POLE: variants seen among roughly 807,000 people sequenced by gnomAD.
POLE encodes DNA polymerase epsilon, catalytic subunit, also known as DNA polymerase epsilon catalytic subunit A.
Under a neutral mutation model 279.2 loss-of-function variants are expected in POLE, and 188 were observed. The observed-to-expected ratio is 0.67, with a 90% confidence interval of 0.60 to 0.76. The LOEUF is 0.76. Ranked by LOEUF, POLE falls within the 30% of genes least tolerant of loss-of-function variation. POLE has a pLI of 0.00. For synonymous variants in POLE, 1,214 were observed against 1,172.5 expected (o/e 1.04, Z -0.72); for missense variants, 2,703 against 3,016.7 (o/e 0.90, Z 2.44).
rs561194407 is a variant in POLE at position 132,639,717 on chromosome 12, C to T, written c.5379-419G>A. ...CTGTAATCCCACCACTTTGGGAGGC[C>T]GAGGCAGGTGGATCACCTGAGGTCA... On this transcript the variant is annotated intron_variant, in intron 39 of 48. Coordinates refer to ENST00000320574, the MANE Select transcript of POLE (RefSeq NM_006231.4). The surrounding 1 kb of genome is among the most constrained non-coding windows in gnomAD (Gnocchi z 4.7). 6.6e-5 allele frequency among the ~76,000 whole-genome samples: 10 copies of T among 151,048 alleles called. No individual in the cohort carries two copies. Among genetic ancestry groups the T allele is most frequent in the South Asian group, 2.1e-4 (1 of 4,824 alleles).
intron 21 of POLE, 134 bp downstream of exon 21, chr12:132,665,168 A>C: frequency 6.2e-6 from 6 of 974,912 alleles, no homozygotes; most frequent in Non-Finnish European, 6.1e-6. Context: ...ACCCCAGCCC[A>C]AAGCCTTCTC....
At position 132,643,988 on chromosome 12, in the gene POLE, T is replaced by C. The variant is rs766703589; in HGVS notation, c.4150-11A>G. ...AAGGACCCGATTTACCTGGCGAGAA[T>C]ACGACGATGATCTCGTCACTGGGCG... On this transcript the variant is annotated splice_polypyrimidine_tract_variant and intron_variant, in intron 32 of 48. Coordinates refer to ENST00000320574, the MANE Select transcript of POLE (RefSeq NM_006231.4). 4 of 1,610,718 alleles carry C rather than the reference T, an allele frequency of 2.5e-6. No individual in the cohort carries two copies. In the African/African-American group the frequency reaches 5.3e-5, roughly 22 times the overall value.
intron 26 of POLE, 148 bp from the exon 27 acceptor site, chr12:132,658,118 C>A: frequency 1.6e-6 from 1 of 606,802 alleles, no homozygotes; most frequent in Non-Finnish European, 3.0e-6. Flanking sequence ...TATGTATGCA[C>A]AAACATGCCT....
Position 132,687,300 on chromosome 12 carries a change from C to T in POLE, c.16G>A (p.Gly6Ser), listed in dbSNP as rs202220778. 2 of 1,505,802 alleles carry T rather than the reference C, an allele frequency of 1.3e-6. No homozygotes were observed. The highest frequency in any genetic ancestry group is 1.8e-6 in the Non-Finnish European group (2 of 1,128,018). 93.3% of individuals were successfully genotyped at this position (1,505,802 alleles called of 1,614,324 possible). Residue 6 changes from glycine to serine, a missense_variant, in exon 1 of 49, where the codon GGC (glycine) becomes AGC (serine). Gly to Ser is a moderately conservative substitution (Grantham distance 56). Coordinates refer to ENST00000320574, the MANE Select transcript of POLE (RefSeq NM_006231.4). Reference protein sequence around the residue: MSLRSGGRRRADPGAD... With the variant: MSLRSSGRRRADPGAD... ...CCTGGGTCCGCGCGCCGCCGCCCGC[C>T]GCTCCTCAGAGACATGGAGCCGTTG...
rs117682864 is a variant in POLE, at chr12:132,638,744, G to A, written c.5552+381C>T. The A allele has an allele frequency of 7.3e-5, 16 of 218,526 alleles. No homozygotes were observed. The East Asian group carries it at 1.8e-3, about 24-fold the overall frequency. The allele number at this position is 218,526 out of a possible 1,614,324, so 13.5% of individuals were successfully genotyped here. A position where few individuals can be genotyped will look rare whatever the true frequency, so the allele number is the denominator to read the frequency against. ...GAGCTCATGCATGAAGCCTCTCACT[G>A]ATTTGCTATTTGTAACAACGGCACA... On this transcript the variant is annotated intron_variant, in intron 40 of 48. Transcript: ENST00000320574.
In POLE at chr12:132,636,076, A is replaced by G. The variant is rs1376039575; in HGVS notation, c.5679-52T>C. The G allele has an allele frequency of 2.5e-6, 4 of 1,575,958 alleles. No individual in the cohort carries two copies. In the African/African-American group the frequency reaches 5.4e-5, roughly 21 times the overall value. ...CTTCAGTGAAATCGACCTTGTTCTC[A>G]ACTTTCCTTTATTTCCCCTTGTATC... On this transcript the variant is annotated intron_variant, in intron 41 of 48. Coordinates refer to ENST00000320574, the MANE Select transcript of POLE (RefSeq NM_006231.4).
At position 132,643,186 on chromosome 12, in the gene POLE, C is replaced by T. The variant is rs372595873; in HGVS notation, c.4551+38G>A. ...GATGTCCTCCTTCCCCAAACCCTGC[C>T]CCAGCCAATGTGCTGCCATGGAGGG... On this transcript the variant is annotated intron_variant, in intron 35 of 48. Coordinates refer to ENST00000320574, the MANE Select transcript of POLE (RefSeq NM_006231.4). The T allele has an allele frequency of 2.0e-5, 32 of 1,598,022 alleles. No homozygotes were observed. In the African/African-American group the frequency reaches 3.4e-4, roughly 17 times the overall value.
intron 39 of POLE, 55 bp downstream of exon 39, chr12:132,641,592 G>T: frequency 6.8e-7 from 1 of 1,479,714 alleles, no homozygotes; most frequent in South Asian, 1.2e-5. Context: ...TCCAAATTAA[G>T]GGCAAAGGAT....
rs745823665 is a variant in POLE, at chr12:132,672,208, T to C, written c.1794+7A>G. 1.9e-6 allele frequency: 3 copies of C among 1,602,754 alleles called. No homozygotes were observed. The highest frequency in any genetic ancestry group is 2.7e-5 in the African/African-American group (2 of 74,706). On this transcript the variant is annotated splice_region_variant and intron_variant, in intron 16 of 48. Transcript: ENST00000320574. ...AGACTGGCTCTTCCTGCCTCCCTGA[T>C]GGTTACCTCTTCAAAGTTGGTGACT... is the stretch of plus-strand genomic sequence containing the variant.
At chr12:132,653,007 A>G (rs978604266) in intron 29 of POLE, among the ~76,000 whole-genome samples, 1 of 152,248 alleles carries the variant, frequency 6.6e-6, no homozygotes, top group African/African-American at 2.4e-5. Context: ...GCAAACTGCC[A>G]TATTTTAATA....
intron 29 of POLE, among the ~76,000 whole-genome samples, chr12:132,651,918 G>A (rs965323675): frequency 6.6e-6 from 1 of 152,366 alleles, no homozygotes; most frequent in South Asian, 2.1e-4. Context: ...GTGCATTTAA[G>A]TTGCTAAGTT....
chr12:132,651,189 TTTA>T (rs1369583487), intron 29 of POLE: 1 of 152,254 alleles, frequency 6.6e-6, no homozygotes, highest in Non-Finnish European at 1.5e-5. Flanking sequence ...AACTTGTTTC[TTTA>T]TTCAGCCATG....
In POLE at chr12:132,639,103, C is replaced by T. The variant is rs765716164; in HGVS notation, c.5552+22G>A. Reference sequence around the variant, plus strand: ...GCCCAGCTGAGGACGCGGTGGACAGCCCAGGGAGGAGGAGCACTCACTGCA... The same window carrying T: ...GCCCAGCTGAGGACGCGGTGGACAGTCCAGGGAGGAGGAGCACTCACTGCA... On this transcript the variant is annotated intron_variant, in intron 40 of 48. Transcript: ENST00000320574. The surrounding 1 kb of genome is among the most constrained non-coding windows in gnomAD (Gnocchi z 4.7). 1.6e-5 allele frequency: 26 copies of T among 1,611,490 alleles called. No homozygotes were observed. The highest frequency in any genetic ancestry group is 2.2e-5 in the East Asian group (1 of 44,858).
intron 25 of POLE, 130 bp downstream of exon 25, chr12:132,660,839 G>C: frequency 1.6e-6 from 1 of 633,796 alleles, no homozygotes; most frequent in Non-Finnish European, 2.6e-6. Context: ...AGGAGGTCTT[G>C]GGATTTCATT....
chr12:132,643,760 C>T (rs1474912028), intron 33 of POLE, 77 bp downstream of exon 33: 3 of 1,537,248 alleles, frequency 2.0e-6, no homozygotes, highest in African/African-American at 2.7e-5. Context: ...CCAGCCCACA[C>T]CCTGGGCGGG....
rs904896710 is a variant in POLE at position 132,668,092 on chromosome 12, A to G, written c.2173+264T>C. ...AGTGAGACCTCATTTCAAAAAAAAA[A>G]AGAAAGAAATAGGACAGCCCAGGGG... On this transcript the variant is annotated intron_variant, in intron 19 of 48. Transcript: ENST00000320574. This position sits in a 1 kb window ranked among gnomAD's most constrained non-coding sequence, Gnocchi z 4.0. Among the ~76,000 whole-genome samples the G allele has an allele frequency of 5.3e-5, 8 of 152,042 alleles. No homozygotes were observed. Among genetic ancestry groups the G allele is most frequent in the Non-Finnish European group, 1.0e-4 (7 of 67,982 alleles).
At position 132,643,993 on chromosome 12, in the gene POLE, CGAT is replaced by C. The variant is rs1216775572; in HGVS notation, c.4150-19_4150-17del. ...CCCGATTTACCTGGCGAGAATACGA[CGAT>C]GATCTCGTCACTGGGCGTAAGTGGT... On this transcript the variant is annotated splice_polypyrimidine_tract_variant and intron_variant, in intron 32 of 48. Transcript: ENST00000320574. The C allele has an allele frequency of 9.3e-6, 15 of 1,608,480 alleles. No individual in the cohort carries two copies. Among genetic ancestry groups the C allele is most frequent in the African/African-American group, 5.3e-5 (4 of 74,844 alleles).
intron 25 of POLE, 25 bp from the exon 26 acceptor site, chr12:132,659,534 A>G (rs778503538): frequency 6.3e-7 from 1 of 1,597,998 alleles, no homozygotes; most frequent in Non-Finnish European, 8.6e-7. Flanking sequence ...TGGGTAAAAC[A>G]CTGCAGAAAT....
intron 45 of POLE, among the ~76,000 whole-genome samples, chr12:132,628,574 C>T (rs12230022): frequency 0.51 from 77,813 of 151,406 alleles, 20,726 homozygotes; most frequent in East Asian, 0.7. Context: ...ACCCAGGAGG[C>T]GGAGGTTGCA....
Sources: gnomAD v4.1 joint callset for allele counts (sites outside exome capture counted in the v4.1 genomes callset) on GRCh38, gnomAD v4.1.1 for gene constraint, Gnocchi (gnomAD v3.1) non-coding constraint, MANE v1.5 for transcripts, NCBI Gene and HGNC (gene_info 2026-07-23, HGNC 2026-07-21) for gene names.